Variants in LDAF1 observed in about 807,000 individuals in gnomAD.
LDAF1 encodes the protein lipid droplet assembly factor 1.
Under a neutral mutation model 13.5 loss-of-function variants are expected in LDAF1, and 7 were observed. The ratio of observed to expected loss-of-function variants is 0.52; its 90% CI spans 0.29 to 0.97. The LOEUF (loss-of-function observed/expected upper bound fraction) is 0.97, where lower values mean the gene tolerates loss of function less well. LDAF1 is among the 50% of genes least tolerant of loss of function. LDAF1 has a pLI of 0.07. For missense variants in LDAF1, 148 were observed against 193.2 expected, an observed-to-expected ratio of 0.77 and a Z score of 1.39; for synonymous variants, 69 against 77.1, an observed-to-expected ratio of 0.89 and a Z score of 0.55.
chr16:21,161,045 G>A (rs2092968161), intron 1 of LDAF1, 40 bp from the exon 2 acceptor site: 1 of 1,440,616 alleles, frequency 6.9e-7, no homozygotes, highest in Non-Finnish European at 9.1e-7. Context: ...GAACCAGATG[G>A]ATGAAGACCA....
At chr16:21,174,987 A>G (rs1474978947) in intron 4 of LDAF1, among the ~76,000 whole-genome samples, 1 of 152,202 alleles carries the variant, frequency 6.6e-6, no homozygotes, top group Non-Finnish European at 1.5e-5. Flanking sequence ...CTTCAATGCC[A>G]GCTACTTCAT....
At chr16:21,166,538 G>C (rs1358825326) in intron 2 of LDAF1, among the ~76,000 whole-genome samples, 1 of 152,174 alleles carries the variant, frequency 6.6e-6, no homozygotes, top group African/African-American at 2.4e-5. Context: ...ACAGCCCGGG[G>C]ATAAGCTAGC....
At chr16:21,159,410 A>G in intron 1 of LDAF1, 1 of 1,614,074 alleles carries the variant, frequency 6.2e-7, no homozygotes, top group Non-Finnish European at 8.5e-7. Context: ...AGGGGCGGCC[A>G]GTGTGAGCTC....
chr16:21,168,652 A>G (rs1254719739), intron 2 of LDAF1, among the ~76,000 whole-genome samples: 1 of 140,338 alleles, frequency 7.1e-6, no homozygotes, highest in Non-Finnish European at 1.5e-5. Context: ...TAATATAATT[A>G]TACAATATTA....
chr16:21,171,513 A>C (rs1274631039), intron 3 of LDAF1, among the ~76,000 whole-genome samples: 1 of 152,190 alleles, frequency 6.6e-6, no homozygotes, highest in Non-Finnish European at 1.5e-5. Flanking sequence ...GGGTGAATGC[A>C]TGAATGAATG....
intron 1 of LDAF1, among the ~76,000 whole-genome samples, chr16:21,159,682 G>T (rs1039417586): frequency 6.6e-6 from 1 of 152,200 alleles, no homozygotes; most frequent in Non-Finnish European, 1.5e-5. Flanking sequence ...AGGCCCCTCC[G>T]AGGAGTGAGT....
intron 1 of LDAF1, 34 bp from the exon 2 acceptor site, chr16:21,161,051 G>T: frequency 1.4e-6 from 2 of 1,447,964 alleles, no homozygotes; most frequent in Non-Finnish European, 1.8e-6. Context: ...GATGGATGAA[G>T]ACCACTAACG....
chr16:21,169,761 C>A (rs1269193056), intron 2 of LDAF1, among the ~76,000 whole-genome samples: 1 of 152,128 alleles, frequency 6.6e-6, no homozygotes, highest in African/African-American at 2.4e-5. Context: ...GAGGTCTTCT[C>A]AAGAGTGTGT....
intron 4 of LDAF1, among the ~76,000 whole-genome samples, chr16:21,176,276 A>G (rs16971140): frequency 0.041 from 6,233 of 152,274 alleles, 194 homozygotes; most frequent in East Asian, 0.17. Context: ...GCTGCCAACC[A>G]ATTGTTTCCA....
rs373976808 is a variant in LDAF1, at chr16:21,159,376, C to T, written c.-99+630C>T. 9 of 1,614,052 alleles carry T rather than the reference C, an allele frequency of 5.6e-6. No individual in the cohort carries two copies. The African/African-American group carries it at 8.0e-5, about 14-fold the overall frequency. ...CTTGGGTCTCCCTGGCTTTTGAACG[C>T]TGAAAGGCTGGGCCCGGATGGGGAG... is the stretch of plus-strand genomic sequence containing the variant. On this transcript the variant is annotated intron_variant, in intron 1 of 4. Coordinates refer to ENST00000233047, the MANE Select transcript of LDAF1 (RefSeq NM_001301771.2).
chr16:21,168,596 A>T (rs1486235747), intron 2 of LDAF1, among the ~76,000 whole-genome samples: 1 of 143,310 alleles, frequency 7.0e-6, no homozygotes, highest in African/African-American at 2.5e-5. Context: ...TATAATATAT[A>T]ATAATGCTAT....
intron 4 of LDAF1, among the ~76,000 whole-genome samples, chr16:21,175,633 A>T (rs1173105569): frequency 6.6e-6 from 1 of 152,324 alleles, no homozygotes; most frequent in East Asian, 1.9e-4. Flanking sequence ...TGTTCCAGTA[A>T]AACTTTATTT....
intron 2 of LDAF1, chr16:21,166,884 G>A (rs2093029177): frequency 4.6e-6 from 7 of 1,535,704 alleles, no homozygotes; most frequent in Non-Finnish European, 5.2e-6. Context: ...ATGATGGAGT[G>A]TCCAGGCTGG....
chr16:21,177,921 A>T (rs941538482), intron 4 of LDAF1, among the ~76,000 whole-genome samples: 5 of 152,054 alleles, frequency 3.3e-5, no homozygotes, highest in African/African-American at 1.2e-4. Flanking sequence ...CCCAGCCTGC[A>T]TTAGTGAATT....
At chr16:21,169,313 TC>T (rs1372246556) in intron 2 of LDAF1, 1 of 250,968 alleles carries the variant, frequency 4.0e-6, no homozygotes, top group Admixed American at 6.5e-5. Flanking sequence ...CCTTTTTTTT[TC>T]CCCTTTTTCT....
At chr16:21,169,560 C>T (rs1469865211) in intron 2 of LDAF1, among the ~76,000 whole-genome samples, 3 of 152,104 alleles carry the variant, frequency 2.0e-5, no homozygotes, top group Admixed American at 6.5e-5. Context: ...CTTCCTGCCT[C>T]GACTTCCCAT....
intron 2 of LDAF1, among the ~76,000 whole-genome samples, chr16:21,164,641 G>A (rs2093007297): frequency 6.6e-6 from 1 of 152,226 alleles, no homozygotes; most frequent in Non-Finnish European, 1.5e-5. Flanking sequence ...TTAGCACAGA[G>A]GGTGGCGCAT....
At chr16:21,163,036 C>T (rs2092991405) in intron 2 of LDAF1, among the ~76,000 whole-genome samples, 1 of 152,144 alleles carries the variant, frequency 6.6e-6, no homozygotes, top group South Asian at 2.1e-4. Flanking sequence ...TAACGTTGAA[C>T]TCAGGGCCAA....
intron 2 of LDAF1, chr16:21,166,810 A>G (rs1320549704): frequency 6.5e-7 from 1 of 1,533,904 alleles, no homozygotes; most frequent in Non-Finnish European, 8.7e-7. Flanking sequence ...GGTGACTCCC[A>G]CGGCTCCTCC....
Sources: gnomAD v4.1 joint callset for allele counts (sites outside exome capture counted in the v4.1 genomes callset) on GRCh38, gnomAD v4.1.1 for gene constraint, MANE v1.5 for transcripts, NCBI Gene and HGNC (gene_info 2026-07-23, HGNC 2026-07-21) for gene names.